Variants in POLR3B observed in about 807,000 individuals in gnomAD.
POLR3B encodes the protein DNA-directed RNA polymerase III subunit RPC2.
POLR3B carries 96 observed loss-of-function variants against 147.4 expected under a neutral mutation model. That is an observed-to-expected ratio of 0.65 (90% CI 0.55 to 0.77). The LOEUF is 0.77. Among genes scored for constraint, POLR3B ranks in the 30% least tolerant of loss-of-function variants. The pLI, the probability that POLR3B is intolerant of heterozygous loss-of-function variation, is 0.00. For synonymous variants in POLR3B, 461 were observed against 485.9 expected (o/e 0.95, Z 0.67); for missense variants, 1,036 against 1,413.5 (o/e 0.73, Z 4.28).
In POLR3B at chr12:106,383,893, G is replaced by A. The variant is rs192920798; in HGVS notation, c.723+3754G>A. On this transcript the variant is annotated intron_variant, in intron 9 of 27. Transcript: ENST00000228347. Reference sequence around the variant, plus strand: ...CTTGGGAGGCTGAGGCAGAAGAATCGCTTGAACCCGGGAGGTGGAGGTTGC... The same window carrying A: ...CTTGGGAGGCTGAGGCAGAAGAATCACTTGAACCCGGGAGGTGGAGGTTGC... Among the ~76,000 whole-genome samples the A allele has an allele frequency of 1.5e-4, 22 of 151,640 alleles. No individual in the cohort carries two copies. The East Asian group carries it at 3.5e-3, about 24-fold the overall frequency.
intron 25 of POLR3B, chr12:106,500,134 C>G (rs766848688): frequency 1.3e-4 from 57 of 455,844 alleles, no homozygotes; most frequent in Non-Finnish European, 1.9e-4. Flanking sequence ...AGTTCTTCCT[C>G]CCTGGATCGT....
chr12:106,385,339 C>T (rs1383211865), intron 9 of POLR3B, among the ~76,000 whole-genome samples: 1 of 152,070 alleles, frequency 6.6e-6, no homozygotes, highest in African/African-American at 2.4e-5. Context: ...TAAAATGAAT[C>T]TTGATAACCA....
intron 23 of POLR3B, among the ~76,000 whole-genome samples, chr12:106,477,892 T>A (rs12296118): frequency 3.5e-3 from 60 of 17,170 alleles, no homozygotes; most frequent in African/African-American, 0.012. Flanking sequence ...GCTCCTCCCC[T>A]TTTTTTTTTT....
At chr12:106,443,959 C>T (rs1023945330) in intron 18 of POLR3B, among the ~76,000 whole-genome samples, 6 of 152,016 alleles carry the variant, frequency 3.9e-5, no homozygotes, top group African/African-American at 9.7e-5. Context: ...CAAGTAGCTG[C>T]GACTACAGGT....
chr12:106,403,129 C>G (rs1226175559), intron 10 of POLR3B, among the ~76,000 whole-genome samples: 2 of 151,726 alleles, frequency 1.3e-5, no homozygotes, highest in African/African-American at 4.8e-5. Flanking sequence ...AACAAACAAC[C>G]CCATCAAAAA....
At chr12:106,359,512 A>G (rs1316710030) in intron 1 of POLR3B, among the ~76,000 whole-genome samples, 2 of 151,820 alleles carry the variant, frequency 1.3e-5, no homozygotes, top group East Asian at 1.9e-4. Context: ...TTGTATTTTT[A>G]GTAGAGACGG....
chr12:106,405,933 A>C lies in POLR3B; in HGVS notation c.923A>C (p.Glu308Ala), dbSNP rs193156019. 2.5e-6 allele frequency: 4 copies of C among 1,613,870 alleles called. No individual in the cohort carries two copies. In the African/African-American group the frequency reaches 4.0e-5, roughly 16 times the overall value. The stretch of plus-strand genomic sequence containing the variant: ...GGACCAAAGAAAACCAAAATAGAAG[A>C]AGCAAGAGAGCTCCTGGCTTCCACC... ...GGGPKKTKIE[E>A]ARELLASTIL... is the part of the protein sequence containing the mutation. The change falls in exon 11 of 28, where the codon GAA (glutamate) becomes GCA (alanine). Residue 308 changes from glutamate (E) to alanine (A), a missense_variant. By Grantham distance (107) the Glu-to-Ala change is moderately radical (BLOSUM62 -1). Around this residue, in one of 12 missense-constraint regions of POLR3B, gnomAD observed 217 missense variants for 288.7 expected, o/e 0.75. Coordinates refer to ENST00000228347, the MANE Select transcript of POLR3B (RefSeq NM_018082.6).
chr12:106,431,465 T>C (rs138845515), intron 14 of POLR3B, among the ~76,000 whole-genome samples: 153 of 152,340 alleles, frequency 1.0e-3, no homozygotes, highest in African/African-American at 3.5e-3. Flanking sequence ...CTGTCTTAAG[T>C]ATTTTTTTCC....
At chr12:106,484,372 C>T (rs761202616) in intron 23 of POLR3B, among the ~76,000 whole-genome samples, 14 of 152,114 alleles carry the variant, frequency 9.2e-5, no homozygotes, top group Non-Finnish European at 1.9e-4. Context: ...TGAGCTTTCA[C>T]TGTGTGCCAA....
In POLR3B at chr12:106,433,771, A is replaced by T; in HGVS notation, c.1680A>T (p.Arg560=). 1 of 1,613,474 alleles carries T rather than the reference A, an allele frequency of 6.2e-7. No individual in the cohort carries two copies. Among genetic ancestry groups the T allele is most frequent in the Middle Eastern group, 1.7e-4 (1 of 6,052 alleles). ...ACAAAAAGCTAGTGAATACATTTCG[A>T]CTCATGAGAAGAGCAGGATATATCA... is the stretch of plus-strand genomic sequence containing the variant. ...RDHKKLVNTF[R]LMRRAGYINE... Residue 560 remains arginine (R), a synonymous_variant, in exon 16 of 28, where the codon CGA becomes CGT. Transcript: ENST00000228347.
At position 106,466,624 on chromosome 12, in the gene POLR3B, TTGTATAAGG is replaced by T. The variant is rs1338357405; in HGVS notation, c.2713+3009_2713+3017del. 1.8e-4 allele frequency among the ~76,000 whole-genome samples: 27 copies of T among 152,326 alleles called. No homozygotes were observed. The East Asian group carries it at 4.6e-3, about 26-fold the overall frequency. On this transcript the variant is annotated intron_variant, in intron 23 of 27. Coordinates refer to ENST00000228347, the MANE Select transcript of POLR3B (RefSeq NM_018082.6). Reference sequence around the variant, plus strand: ...TCTTTCATCCATCTTGAGTTGATTTTTGTATAAGGTGTAAGGAAGGGGTCCAGTTTCAGT... The same window carrying T: ...TCTTTCATCCATCTTGAGTTGATTTTTGTAAGGAAGGGGTCCAGTTTCAGT...
intron 12 of POLR3B, among the ~76,000 whole-genome samples, chr12:106,415,862 C>T (rs2136942464): frequency 6.6e-6 from 1 of 152,270 alleles, no homozygotes; most frequent in South Asian, 2.1e-4. Flanking sequence ...ACCCTCTTTT[C>T]CCTCTGACTC....
At chr12:106,415,617 G>A (rs572451672) in intron 12 of POLR3B, among the ~76,000 whole-genome samples, 1 of 152,172 alleles carries the variant, frequency 6.6e-6, no homozygotes, top group Middle Eastern at 3.4e-3. Flanking sequence ...ATGAAATTTT[G>A]CAAAGCCCAA....
At chr12:106,426,618 A>G (rs980283167) in intron 12 of POLR3B, among the ~76,000 whole-genome samples, 2 of 152,002 alleles carry the variant, frequency 1.3e-5, no homozygotes, top group Non-Finnish European at 2.9e-5. Context: ...CCCGGGTGCA[A>G]TTTGTGTTTT....
intron 9 of POLR3B, among the ~76,000 whole-genome samples, chr12:106,386,655 C>A (rs1477199200): frequency 1.3e-5 from 2 of 152,046 alleles, no homozygotes; most frequent in African/African-American, 4.8e-5. Context: ...CACCTGTAAT[C>A]CCAGCACTTT....
chr12:106,486,126 A>G (rs1485290065), intron 23 of POLR3B, among the ~76,000 whole-genome samples: 3 of 151,786 alleles, frequency 2.0e-5, no homozygotes, highest in Non-Finnish European at 4.4e-5. Flanking sequence ...CATCTCTACT[A>G]AAAATACAAA....
At chr12:106,415,578 G>GT (rs1224661915) in intron 12 of POLR3B, among the ~76,000 whole-genome samples, 1 of 152,178 alleles carries the variant, frequency 6.6e-6, no homozygotes, top group Non-Finnish European at 1.5e-5. Context: ...CAGGAGATAT[G>GT]TATCTGTGAA....
chr12:106,364,572 C>A (rs1445794653), intron 2 of POLR3B, among the ~76,000 whole-genome samples: 1 of 152,148 alleles, frequency 6.6e-6, no homozygotes, highest in African/African-American at 2.4e-5. Flanking sequence ...CAAAAAGTTA[C>A]CACATCCTCC....
At chr12:106,489,072 A>T (rs2038377495) in intron 23 of POLR3B, among the ~76,000 whole-genome samples, 2 of 152,216 alleles carry the variant, frequency 1.3e-5, no homozygotes, top group Non-Finnish European at 2.9e-5. Context: ...GTGAAAAAGG[A>T]TTAGCACCTC....
Sources: gnomAD v4.1 joint callset for allele counts (sites outside exome capture counted in the v4.1 genomes callset) on GRCh38, gnomAD v4.1.1 for gene constraint, gnomAD v4.1.1 regional missense constraint, MANE v1.5 for transcripts, NCBI Gene and HGNC (gene_info 2026-07-23, HGNC 2026-07-21) for gene names.